MMP16: variants seen among roughly 807,000 people sequenced by gnomAD.
MMP16 encodes the protein matrix metallopeptidase 16.
In MMP16, 12 loss-of-function variants were observed where a neutral mutation model predicts 67.8. The ratio of observed to expected loss-of-function variants is 0.18; its 90% CI spans 0.11 to 0.29. The LOEUF is 0.29. MMP16 is among the 10% of genes least tolerant of loss of function. The pLI, the probability that MMP16 is intolerant of heterozygous loss-of-function variation, is 1.00. For synonymous variants in MMP16, 249 were observed against 255.9 expected, an observed-to-expected ratio of 0.97 and a Z score of 0.26; for missense variants, 475 against 765.7, an observed-to-expected ratio of 0.62 and a Z score of 4.48.
At chr8:88,278,878 A>C (rs554611361) in intron 1 of MMP16, among the ~76,000 whole-genome samples, 1 of 152,262 alleles carries the variant, frequency 6.6e-6, no homozygotes, top group African/African-American at 2.4e-5. Flanking sequence ...TAGCTACATA[A>C]AATTAAAGAA....
intron 1 of MMP16, among the ~76,000 whole-genome samples, chr8:88,221,601 A>C (rs1809683879): frequency 7.5e-6 from 1 of 132,586 alleles, no homozygotes; most frequent in Non-Finnish European, 1.8e-5. Context: ...AAACACAATT[A>C]AATATCCTGG....
intron 1 of MMP16, among the ~76,000 whole-genome samples, chr8:88,238,332 G>A (rs1243776191): frequency 1.3e-5 from 2 of 152,112 alleles, no homozygotes; most frequent in Non-Finnish European, 2.9e-5. Context: ...GGCCAACATG[G>A]TGAAACCCCA....
intron 1 of MMP16, among the ~76,000 whole-genome samples, chr8:88,292,547 T>C (rs1810942164): frequency 6.6e-6 from 1 of 152,178 alleles, no homozygotes. Flanking sequence ...TGTTAATAAA[T>C]CAATACCTAT....
rs112966067 is a variant in MMP16 at position 88,271,609 on chromosome 8, G to A, written c.132+55466C>T. Among the ~76,000 whole-genome samples, 284 of 151,684 alleles carry A rather than the reference G, an allele frequency of 1.9e-3. 1 individual carries two copies. Among genetic ancestry groups the A allele is most frequent in the Non-Finnish European group, 2.2e-3 (150 of 67,892 alleles). ...CCCGGGTTCAAGCGATTCTCCTGCC[G>A]CAGCCTCCTGAGTAGCTGGAATTAC... On this transcript the variant is annotated intron_variant, in intron 1 of 9. Coordinates refer to ENST00000286614, the MANE Select transcript of MMP16 (RefSeq NM_005941.5).
chr8:88,132,414 T>C (rs1278978047), intron 4 of MMP16, among the ~76,000 whole-genome samples: 1 of 151,888 alleles, frequency 6.6e-6, no homozygotes, highest in African/African-American at 2.4e-5. Context: ...AACTGGGTTG[T>C]TCAAGATCAG....
chr8:88,188,888 C>T (rs1809121869), intron 2 of MMP16, among the ~76,000 whole-genome samples: 1 of 152,146 alleles, frequency 6.6e-6, no homozygotes, highest in Non-Finnish European at 1.5e-5. Flanking sequence ...CTCCCGAGCT[C>T]AGGTGATCTG....
intron 1 of MMP16, among the ~76,000 whole-genome samples, chr8:88,273,570 G>A (rs1211925171): frequency 6.6e-6 from 1 of 151,974 alleles, no homozygotes; most frequent in Non-Finnish European, 1.5e-5. Flanking sequence ...TTTAAAAATG[G>A]TCATTTATCA....
chr8:88,267,028 C>T (rs1227556965), intron 1 of MMP16, among the ~76,000 whole-genome samples: 1 of 152,140 alleles, frequency 6.6e-6, no homozygotes, highest in Non-Finnish European at 1.5e-5. Context: ...GTGATGAATG[C>T]TAATTTCTAT....
intron 6 of MMP16, among the ~76,000 whole-genome samples, chr8:88,104,738 G>A (rs891850857): frequency 6.6e-6 from 1 of 151,432 alleles, no homozygotes; most frequent in Non-Finnish European, 1.5e-5. Flanking sequence ...AAGGTCCTTC[G>A]GGAGGTATTC....
At chr8:88,064,792 C>T (rs917118842) in intron 7 of MMP16, among the ~76,000 whole-genome samples, 11 of 152,022 alleles carry the variant, frequency 7.2e-5, no homozygotes, top group Admixed American at 2.0e-4. Context: ...TGAATAAATG[C>T]CCAACTCTTG....
At chr8:88,209,664 T>C (rs1809483191) in intron 1 of MMP16, among the ~76,000 whole-genome samples, 1 of 9,200 alleles carries the variant, frequency 1.1e-4, no homozygotes, top group African/African-American at 2.9e-4. Context: ...ACTCTCTCTA[T>C]GTATTCTACT....
At chr8:88,222,505 C>T (rs13264877) in intron 1 of MMP16, among the ~76,000 whole-genome samples, 5,030 of 152,116 alleles carry the variant, frequency 0.033, 111 homozygotes, top group Middle Eastern at 0.075. Context: ...GAGATATAGA[C>T]CAATGGAACA....
At chr8:88,277,221 G>A (rs1810662489) in intron 1 of MMP16, among the ~76,000 whole-genome samples, 1 of 152,108 alleles carries the variant, frequency 6.6e-6, no homozygotes, top group African/African-American at 2.4e-5. Context: ...CCGAATATGG[G>A]CAAAAGCAGG....
intron 1 of MMP16, among the ~76,000 whole-genome samples, chr8:88,242,016 G>A (rs539171092): frequency 3.9e-5 from 6 of 152,172 alleles, no homozygotes; most frequent in African/African-American, 1.2e-4. Context: ...ACAACTAGAT[G>A]TATATCAATT....
At chr8:88,292,310 G>A (rs1158245630) in intron 1 of MMP16, among the ~76,000 whole-genome samples, 1 of 152,114 alleles carries the variant, frequency 6.6e-6, no homozygotes, top group African/African-American at 2.4e-5. Flanking sequence ...GTGGGATTAT[G>A]GATCCCCTTG....
At chr8:88,091,897 G>A (rs1484951981) in intron 6 of MMP16, among the ~76,000 whole-genome samples, 1 of 151,724 alleles carries the variant, frequency 6.6e-6, no homozygotes, top group African/African-American at 2.4e-5. Flanking sequence ...TGGGTAGCAC[G>A]CAGAGTACCT....
intron 4 of MMP16, among the ~76,000 whole-genome samples, chr8:88,135,446 T>C (rs554993601): frequency 2.2e-4 from 34 of 151,908 alleles, no homozygotes; most frequent in African/African-American, 7.9e-4. Context: ...GACAGAAGTA[T>C]GTACAGGCTA....
chr8:88,213,436 C>T (rs1809542267), intron 1 of MMP16, among the ~76,000 whole-genome samples: 1 of 151,946 alleles, frequency 6.6e-6, no homozygotes, highest in African/African-American at 2.4e-5. Context: ...CTAATATATT[C>T]ATATATTATA....
At chr8:88,236,357 C>CA (rs1809940035) in intron 1 of MMP16, among the ~76,000 whole-genome samples, 1 of 152,222 alleles carries the variant, frequency 6.6e-6, no homozygotes, top group South Asian at 2.1e-4. Context: ...CAGTGCCTGA[C>CA]ACACGGTAGG....
Sources: gnomAD v4.1 joint callset for allele counts (sites outside exome capture counted in the v4.1 genomes callset) on GRCh38, gnomAD v4.1.1 for gene constraint, MANE v1.5 for transcripts, NCBI Gene and HGNC (gene_info 2026-07-23, HGNC 2026-07-21) for gene names.